Variants in IFIH1 observed in about 807,000 individuals in gnomAD.
IFIH1 encodes interferon-induced helicase C domain-containing protein 1.
A neutral mutation model predicts 107.4 loss-of-function variants in IFIH1; 125 were observed. The ratio of observed to expected loss-of-function variants is 1.16; its 90% CI spans 1.01 to 1.35. IFIH1 has a LOEUF of 1.35. Ranked by LOEUF, IFIH1 falls within the 40% of genes most tolerant of loss-of-function variation. The probability of loss-of-function intolerance (pLI) is 0.00; values close to 1 mark genes in which losing one functional copy is unlikely to be tolerated. For synonymous variants in IFIH1, 458 were observed against 413.2 expected (o/e 1.11, Z -1.31); for missense variants, 1,333 against 1,213.7 (o/e 1.10, Z -1.46).
At chr2:162,278,029 C>A (rs531464211) in intron 9 of IFIH1, among the ~76,000 whole-genome samples, 176 bp downstream of exon 9, 26 of 152,286 alleles carry the variant, frequency 1.7e-4, no homozygotes, top group African/African-American at 5.3e-4. Context: ...GCATTGGAAT[C>A]TCTCTCCTTA....
At chr2:162,300,183 G>C (rs1326766189) in intron 3 of IFIH1, among the ~76,000 whole-genome samples, 3 of 152,038 alleles carry the variant, frequency 2.0e-5, no homozygotes, top group African/African-American at 7.2e-5. Context: ...TCAGTGCTTG[G>C]TTCTCTCAAT....
intron 2 of IFIH1, chr2:162,310,266 TAGG>T (rs774894935): frequency 1.5e-4 from 24 of 156,972 alleles, no homozygotes; most frequent in Non-Finnish European, 2.5e-4. Flanking sequence ...ACAAATAATG[TAGG>T]AGAAGGAGCT....
At chr2:162,314,364 TTCCTTCCC>T (rs1221699025) in intron 1 of IFIH1, among the ~76,000 whole-genome samples, 1 of 141,620 alleles carries the variant, frequency 7.1e-6, no homozygotes, top group African/African-American at 3.0e-5. Context: ...CCTTTCTTCC[TTCCTTCCC>T]TCCCTCCCTC....
intron 4 of IFIH1, among the ~76,000 whole-genome samples, chr2:162,292,857 G>C (rs140606593): frequency 6.6e-6 from 1 of 151,776 alleles, no homozygotes; most frequent in Non-Finnish European, 1.5e-5. Context: ...TAACATTTTA[G>C]CTTAGTAGTC....
chr2:162,289,728 A>G (rs1682963614), intron 4 of IFIH1, among the ~76,000 whole-genome samples: 1 of 151,850 alleles, frequency 6.6e-6, no homozygotes, highest in Admixed American at 6.6e-5. Context: ...CCTGGCAGGA[A>G]ATTTGCCTTT....
chr2:162,273,927 G>C lies in IFIH1; in HGVS notation c.2322C>G (p.Val774=), dbSNP rs1691096939. The C allele has an allele frequency of 6.2e-7, 1 of 1,603,134 alleles. No individual in the cohort carries two copies. The highest frequency in any genetic ancestry group is 1.1e-5 in the South Asian group (1 of 90,074). ...TTTTTCCAGTGCGAAATTTACTAAT[G>C]ACTTCTTTTTGTTCATTCTGTAGAA... ...KPMTQNEQKE[V]ISKFRTGKIN... is the part of the protein sequence containing the mutation. Residue 774 remains valine, a synonymous_variant, in exon 12 of 16, where the codon GTC becomes GTG. Transcript: ENST00000649979.
At chr2:162,277,363 C>A in intron 10 of IFIH1, 52 bp downstream of exon 10, 2 of 1,278,588 alleles carry the variant, frequency 1.6e-6, no homozygotes, top group Admixed American at 2.0e-5. Context: ...GCAGTAAGTT[C>A]ATGTTGAAAA....
At chr2:162,294,913 CTT>C (rs1250705402) in intron 3 of IFIH1, among the ~76,000 whole-genome samples, 1 of 151,840 alleles carries the variant, frequency 6.6e-6, no homozygotes, top group Non-Finnish European at 1.5e-5. Context: ...TTTAATAAAA[CTT>C]CTCTGAAAAG....
At position 162,272,370 on chromosome 2, in the gene IFIH1, T is replaced by C; in HGVS notation, c.2472A>G (p.Arg824=). 6.2e-7 allele frequency: 1 copy of C among 1,613,170 alleles called. No homozygotes were observed. Among genetic ancestry groups the C allele is most frequent in the Non-Finnish European group, 8.5e-7 (1 of 1,179,596 alleles). Residue 824 remains arginine, a synonymous_variant, in exon 13 of 16, where the codon AGA becomes AGG. Coordinates refer to ENST00000649979, the MANE Select transcript of IFIH1 (RefSeq NM_022168.4). ...CCAGGACGTAGGTGCTCTCATCAGC[T>C]CTGGCTCGACCACGGGCCTGAAAAC... is the stretch of plus-strand genomic sequence containing the variant. ...IAMVQARGRA[R]ADESTYVLVA... is the part of the protein sequence containing the mutation.
chr2:162,305,447 G>C (rs573069253), intron 3 of IFIH1, among the ~76,000 whole-genome samples: 3 of 152,090 alleles, frequency 2.0e-5, no homozygotes, highest in Non-Finnish European at 4.4e-5. Flanking sequence ...GTGGGTGCCT[G>C]TAATCCCAGC....
At chr2:162,270,037 A>G (rs1691004907) in intron 13 of IFIH1, among the ~76,000 whole-genome samples, 1 of 152,208 alleles carries the variant, frequency 6.6e-6, no homozygotes, top group South Asian at 2.1e-4. Context: ...TGAATGAGTC[A>G]GAAAAAAAAT....
intron 3 of IFIH1, among the ~76,000 whole-genome samples, chr2:162,298,002 A>G (rs1683124357): frequency 6.6e-6 from 1 of 152,192 alleles, no homozygotes; most frequent in African/African-American, 2.4e-5. Flanking sequence ...ATACTTTAAA[A>G]TATTTTTAAA....
Position 162,318,373 on chromosome 2 carries a change from G to T in IFIH1, c.-66C>A. The T allele has an allele frequency of 7.5e-7, 1 of 1,324,818 alleles. No individual in the cohort carries two copies. The highest frequency in any genetic ancestry group is 1.1e-6 in the Non-Finnish European group (1 of 936,206). The allele number at this position is 1,324,818 out of a possible 1,614,324, so 82.1% of individuals were successfully genotyped here. On this transcript the variant is annotated 5_prime_UTR_variant, in exon 1 of 16. Transcript: ENST00000649979. ...TGGTGCTGTTGTCTGCGGGACAGGTGAAATGTGCGTGCCGCTGTCCGCTGC... is the reference window on the plus strand; with the variant it reads ...TGGTGCTGTTGTCTGCGGGACAGGTTAAATGTGCGTGCCGCTGTCCGCTGC...
rs147241555 is a variant in IFIH1 at position 162,312,412 on chromosome 2, C to T, written c.454-1479G>A. Among the ~76,000 whole-genome samples the T allele has an allele frequency of 2.5e-3, 386 of 152,102 alleles. 3 individuals carry two copies. The highest frequency in any genetic ancestry group is 8.6e-3 in the African/African-American group (358 of 41,488). ...TTAACTCATTTACAGATCAGAAATC[C>T]GAGGCACAGAGATGTTTAGGTACCT... On this transcript the variant is annotated intron_variant, in intron 1 of 15. Transcript: ENST00000649979.
At chr2:162,314,381 TCCC>T (rs1683434239) in intron 1 of IFIH1, among the ~76,000 whole-genome samples, 1 of 33,722 alleles carries the variant, frequency 3.0e-5, no homozygotes, top group Non-Finnish European at 5.1e-5. Context: ...CCTCCCTCCC[TCCC>T]TCCCTCCCTC....
In IFIH1 at chr2:162,318,365, G is replaced by A. The variant is rs769385694; in HGVS notation, c.-58C>T. 2.1e-5 allele frequency: 30 copies of A among 1,427,360 alleles called. No individual in the cohort carries two copies. The highest frequency in any genetic ancestry group is 2.8e-5 in the Non-Finnish European group (29 of 1,026,310). The allele number at this position is 1,427,360 out of a possible 1,614,324, so 88.4% of individuals were successfully genotyped here. ...CAAGCAGATGGTGCTGTTGTCTGCG[G>A]GACAGGTGAAATGTGCGTGCCGCTG... On this transcript the variant is annotated 5_prime_UTR_variant, in exon 1 of 16. Coordinates refer to ENST00000649979, the MANE Select transcript of IFIH1 (RefSeq NM_022168.4).
chr2:162,299,684 T>C (rs1276943785), intron 3 of IFIH1, among the ~76,000 whole-genome samples: 1 of 152,148 alleles, frequency 6.6e-6, no homozygotes, highest in Admixed American at 6.5e-5. Flanking sequence ...CACACATGCA[T>C]TGTGCTGGCA....
chr2:162,296,320 A>G (rs942264367), intron 3 of IFIH1, among the ~76,000 whole-genome samples: 2 of 152,094 alleles, frequency 1.3e-5, no homozygotes, highest in East Asian at 3.9e-4. Context: ...GATTATTTTG[A>G]TCTAACAAAC....
chr2:162,286,574 C>A (rs984375723), intron 5 of IFIH1, among the ~76,000 whole-genome samples: 1 of 151,706 alleles, frequency 6.6e-6, no homozygotes, highest in Admixed American at 6.6e-5. Context: ...GGGCTGCATG[C>A]TTTGGAGGAG....
Sources: allele counts gnomAD v4.1 joint callset (sites outside exome capture counted in the v4.1 genomes callset), GRCh38; gene constraint gnomAD v4.1.1; transcripts MANE v1.5; gene names NCBI Gene and HGNC (gene_info 2026-07-23, HGNC 2026-07-21).